The following ZNF711 variants were observed in gnomAD, a reference collection of about 807,000 sequenced individuals.
The protein encoded by ZNF711 is zinc finger protein 711.
ZNF711 carries 3 observed loss-of-function variants against 43.5 expected under a neutral mutation model. That is an observed-to-expected ratio of 0.07 (90% CI 0.03 to 0.18). The LOEUF is 0.18. Among genes scored for constraint, ZNF711 ranks in the 10% least tolerant of loss-of-function variants. ZNF711 has a pLI of 1.00. For synonymous variants in ZNF711, 209 were observed against 207.7 expected, an observed-to-expected ratio of 1.01 and a Z score of -0.06; for missense variants, 412 against 604.0, an observed-to-expected ratio of 0.68 and a Z score of 3.33.
chrX:85,259,355 T>C (rs756313979), intron 5 of ZNF711, among the ~76,000 whole-genome samples: 55 of 111,713 alleles, frequency 4.9e-4, no homozygotes, highest in African/African-American at 1.5e-3. Flanking sequence ...GGCTTTGTTC[T>C]TTTTGCTTAG....
chrX:85,261,025 T>C (rs1021698102), intron 5 of ZNF711, among the ~76,000 whole-genome samples: 17 of 111,189 alleles, frequency 1.5e-4, no homozygotes, highest in Admixed American at 5.7e-4. Context: ...TAAAATATAT[T>C]TACTATTCAT....
intron 5 of ZNF711, among the ~76,000 whole-genome samples, chrX:85,262,399 T>A (rs1257306462): frequency 9.0e-6 from 1 of 110,837 alleles, no homozygotes; most frequent in Non-Finnish European, 1.9e-5. Flanking sequence ...TTTATTATTT[T>A]ATTAATTTAC....
chrX:85,244,095 C>T lies in ZNF711; in HGVS notation c.-502C>T, dbSNP rs954143748. On this transcript the variant is annotated 5_prime_UTR_variant, in exon 1 of 11. Transcript: ENST00000674551. The stretch of plus-strand genomic sequence containing the variant: ...TGCCGCCCCCCGCAGCCATCCAGAG[C>T]GCGGTCACAGTCCGACTGGCGGCAC... The T allele has an allele frequency of 6.2e-5, 9 of 145,237 alleles. No homozygotes were observed. Among genetic ancestry groups the T allele is most frequent in the Non-Finnish European group, 1.2e-4 (9 of 77,440 alleles). The allele number at this position is 145,237 out of a possible 1,213,427, so 12.0% of individuals were successfully genotyped here. A position where few individuals can be genotyped will look rare whatever the true frequency, so the allele number is the denominator to read the frequency against.
chrX:85,247,329 T>G, intron 3 of ZNF711, 141 bp downstream of exon 3: 2 of 351,821 alleles, frequency 5.7e-6, no homozygotes, highest in Non-Finnish European at 9.7e-6. Flanking sequence ...TGACTGTGCC[T>G]TTGTCTCCAT....
intron 5 of ZNF711, among the ~76,000 whole-genome samples, chrX:85,258,588 A>AATG (rs1930381021): frequency 9.1e-6 from 1 of 109,845 alleles, no homozygotes; most frequent in African/African-American, 3.3e-5. Context: ...TAATAATAAT[A>AATG]ATGATAATGG....
intron 5 of ZNF711, among the ~76,000 whole-genome samples, chrX:85,257,115 T>C (rs1290070535): frequency 1.8e-5 from 2 of 112,299 alleles, no homozygotes; most frequent in Non-Finnish European, 3.8e-5. Flanking sequence ...TAAAAAAGTT[T>C]CTGGAATATT....
chrX:85,256,954 A>T, intron 5 of ZNF711, among the ~76,000 whole-genome samples: 1 of 111,390 alleles, frequency 9.0e-6, no homozygotes, highest in South Asian at 3.8e-4. Flanking sequence ...ATGTGGCAAA[A>T]GTTGGTAGTC....
rs374367615 is a variant in ZNF711 at position 85,271,534 on chromosome X, C to A, written c.2130C>A (p.Gly710=). 29 of 1,209,449 alleles carry A rather than the reference C, an allele frequency of 2.4e-5. No homozygotes were observed. The highest frequency in any genetic ancestry group is 3.1e-5 in the Non-Finnish European group (28 of 894,895). Residue 710 remains glycine, a synonymous_variant, in exon 11 of 11, where the codon GGC becomes GGA. Coordinates refer to ENST00000674551, the MANE Select transcript of ZNF711 (RefSeq NM_001330574.2). ...FKTSDPFILS[G]HILSVHTKDQ... ...CATCCGATCCATTTATTCTTAGTGG[C>A]CATATCCTTTCAGTTCATACTAAAG...
At chrX:85,270,245 C>G in intron 10 of ZNF711, 99 bp downstream of exon 10, 1 of 877,012 alleles carries the variant, frequency 1.1e-6, no homozygotes, top group African/African-American at 2.1e-5. Flanking sequence ...CAGTTCTACT[C>G]TCCATGTACC....
chrX:85,270,996 C>T lies in ZNF711; in HGVS notation c.1592C>T (p.Thr531Ile). 1.7e-6 allele frequency: 2 copies of T among 1,210,996 alleles called. No homozygotes were observed. Among genetic ancestry groups the T allele is most frequent in the South Asian group, 3.5e-5 (2 of 56,962 alleles). The stretch of plus-strand genomic sequence containing the variant: ...AAGTGCAAATACTGTGACTATGAAA[C>T]TGCAGAACAAGGACTGTTAAACAGG... The part of the protein sequence containing the change: ...MHKCKYCDYE[T>I]AEQGLLNRHL... The change falls in exon 11 of 11, where the codon ACT becomes ATT. Residue 531 changes from threonine (T) to isoleucine (I), a missense_variant. Physicochemically the swap from Thr to Ile is moderately conservative, Grantham distance 89. Transcript: ENST00000674551.
intron 9 of ZNF711, among the ~76,000 whole-genome samples, 171 bp from the exon 10 acceptor site, chrX:85,269,832 T>A (rs1931421882): frequency 9.0e-6 from 1 of 111,582 alleles, no homozygotes; most frequent in Non-Finnish European, 1.9e-5. Context: ...TACTTGTGAG[T>A]GAGAGAGAAC....
chrX:85,248,245 G>A (rs1017426650), intron 4 of ZNF711, among the ~76,000 whole-genome samples: 9 of 107,521 alleles, frequency 8.4e-5, no homozygotes, highest in Admixed American at 3.0e-4. Context: ...AAAGGCGGGC[G>A]GATCACGAGG....
At chrX:85,248,798 CT>C (rs1438085054) in intron 4 of ZNF711, among the ~76,000 whole-genome samples, 3 of 111,753 alleles carry the variant, frequency 2.7e-5, no homozygotes, top group Non-Finnish European at 5.6e-5. Context: ...AACTGTGATA[CT>C]TTGCTAAGTT....
At chrX:85,268,364 A>G (rs755157498) in intron 9 of ZNF711, 23 bp downstream of exon 9, 39 of 1,188,715 alleles carry the variant, frequency 3.3e-5, no homozygotes, top group Non-Finnish European at 4.4e-5. Flanking sequence ...TGTATATGAG[A>G]TGTGAGTTAA....
rs753221892 is a variant in ZNF711 at position 85,268,268 on chromosome X, C to CTT, written c.1055-4_1055-3dup. ...ATTAGCATATCAGTTTGTAATTGGT[C>CTT]TTTTTTTTTTTTTTTTTTTTTTTAG... On this transcript the variant is annotated intron_variant, in intron 8 of 10. Coordinates refer to ENST00000674551, the MANE Select transcript of ZNF711 (RefSeq NM_001330574.2). 37,602 of 875,495 alleles carry CTT rather than the reference C, an allele frequency of 0.043. 784 individuals carry two copies. The highest frequency in any genetic ancestry group is 0.12 in the African/African-American group (4,083 of 33,425). 72.2% of individuals were successfully genotyped at this position (875,495 alleles called of 1,213,427 possible). A position where few individuals can be genotyped will look rare whatever the true frequency, so the allele number is the denominator to read the frequency against.
Position 85,270,036 on chromosome X carries a change from G to A in ZNF711, c.1136G>A (p.Ser379Asn). ...NTLDSALESR[S>N]STAAQYLQIC... is the part of the protein sequence containing the mutation. ...TTGGACTCAGCATTAGAAAGCAGAA[G>A]TAGTACAGCAGCACAGTACCTTCAA... is the stretch of plus-strand genomic sequence containing the variant. The change falls in exon 10 of 11, where the codon AGT (serine) becomes AAT (asparagine). Residue 379 changes from serine (S) to asparagine (N), a missense_variant. Around this residue, in one of 4 missense-constraint regions of ZNF711, gnomAD observed 375 missense variants for 514.2 expected, o/e 0.73. Transcript: ENST00000674551. 1 of 1,210,029 alleles carries A rather than the reference G, an allele frequency of 8.3e-7. No homozygotes were observed.
intron 5 of ZNF711, 21 bp downstream of exon 5, chrX:85,255,822 A>G (rs750235347): frequency 1.9e-5 from 23 of 1,200,252 alleles, no homozygotes; most frequent in Non-Finnish European, 2.5e-5. Context: ...CATAAAGCCC[A>G]TAATTACTCA....
At position 85,273,043 on chromosome X, in the gene ZNF711, T is replaced by C. The variant is rs1193195111; in HGVS notation, c.*1215T>C. 1.8e-5 allele frequency: 2 copies of C among 112,239 alleles called. No individual in the cohort carries two copies. The highest frequency in any genetic ancestry group is 3.2e-5 in the African/African-American group (1 of 30,889). The allele number at this position is 112,239 out of a possible 1,213,427, so 9.2% of individuals were successfully genotyped here. ...TGCATATGATATGTACTTTTAAGTT[T>C]TAGTTGCTTCATGTTTACATTCAGC... On this transcript the variant is annotated 3_prime_UTR_variant, in exon 11 of 11. Transcript: ENST00000674551.
Position 85,255,451 on chromosome X carries a change from A to G in ZNF711, c.272A>G (p.Glu91Gly). The G allele has an allele frequency of 8.3e-7, 1 of 1,211,679 alleles. No individual in the cohort carries two copies. The highest frequency in any genetic ancestry group is 1.1e-6 in the Non-Finnish European group (1 of 895,485). Residue 91 changes from glutamate (E) to glycine (G), a missense_variant, in exon 5 of 11, where the codon GAA becomes GGA. Coordinates refer to ENST00000674551, the MANE Select transcript of ZNF711 (RefSeq NM_001330574.2). ...GTAACAGAAGGTGTGATTGTTCCTG[A>G]AGCGGTACTTGAAGCTGATGTTGCC... ...DVVTEGVIVP[E>G]AVLEADVAIE...
Sources: gnomAD v4.1 joint callset for allele counts (sites outside exome capture counted in the v4.1 genomes callset) on GRCh38, gnomAD v4.1.1 for gene constraint, gnomAD v4.1.1 regional missense constraint, MANE v1.5 for transcripts, NCBI Gene and HGNC (gene_info 2026-07-23, HGNC 2026-07-21) for gene names.